The following MYO1D variants were observed in gnomAD, a reference collection of about 807,000 sequenced individuals.
The protein encoded by MYO1D is unconventional myosin-Id.
In MYO1D, 83 loss-of-function variants were observed where a neutral mutation model predicts 122.0. That is an observed-to-expected ratio of 0.68 (90% CI 0.57 to 0.82). The LOEUF (loss-of-function observed/expected upper bound fraction) is 0.82, where lower values mean the gene tolerates loss of function less well. Ranked by LOEUF, MYO1D falls within the 40% of genes least tolerant of loss-of-function variation. MYO1D has a pLI of 0.00. For synonymous variants in MYO1D, 464 were observed against 446.9 expected, an observed-to-expected ratio of 1.04 and a Z score of -0.48; for missense variants, 1,157 against 1,269.5, an observed-to-expected ratio of 0.91 and a Z score of 1.35.
chr17:32,785,959 G>C (rs1000046696), intron 1 of MYO1D, among the ~76,000 whole-genome samples: 1 of 152,120 alleles, frequency 6.6e-6, no homozygotes, highest in Non-Finnish European at 1.5e-5. Flanking sequence ...CGCCTACAAT[G>C]AAACAAAAAA....
Position 32,605,216 on chromosome 17 carries a change from C to G in MYO1D, c.2735G>C (p.Gly912Ala). The G allele has an allele frequency of 1.9e-6, 3 of 1,582,998 alleles. No homozygotes were observed. Among genetic ancestry groups the G allele is most frequent in the Non-Finnish European group, 2.6e-6 (3 of 1,156,868 alleles). The change falls in exon 21 of 22, where the codon GGA becomes GCA. Residue 912 changes from glycine (G) to alanine (A), a missense_variant. By Grantham distance (60) the Gly-to-Ala change is moderately conservative (BLOSUM62 0). Transcript: ENST00000318217. ...ATGGAACACTACAAGTTGGTCCTTT[C>G]CATTGGAGACACTCAGACCAGTCAA... ...YNLTGLSVSN[G>A]KDQLVVFHTK...
chr17:32,540,293 G>C (rs1343837745), intron 21 of MYO1D, among the ~76,000 whole-genome samples: 5 of 127,944 alleles, frequency 3.9e-5, no homozygotes, highest in African/African-American at 1.2e-4. Context: ...TCGCGTCACT[G>C]TACTCCAGTC....
chr17:32,776,371 T>C (rs1029391641), intron 3 of MYO1D, among the ~76,000 whole-genome samples: 1 of 151,738 alleles, frequency 6.6e-6, no homozygotes, highest in Admixed American at 6.6e-5. Flanking sequence ...TATGTTCACG[T>C]GTGTGTGTGT....
At chr17:32,819,811 A>G (rs1396027626) in intron 1 of MYO1D, among the ~76,000 whole-genome samples, 1 of 152,236 alleles carries the variant, frequency 6.6e-6, no homozygotes. Flanking sequence ...ACCACATTAT[A>G]TAGGATCTAA....
chr17:32,618,816 G>T (rs2150924094), intron 20 of MYO1D, among the ~76,000 whole-genome samples: 1 of 151,956 alleles, frequency 6.6e-6, no homozygotes, highest in East Asian at 1.9e-4. Context: ...TGTATTTTTA[G>T]TAGAGACAAG....
At chr17:32,850,921 T>C (rs1043741552) in intron 1 of MYO1D, among the ~76,000 whole-genome samples, 1 of 125,446 alleles carries the variant, frequency 8.0e-6, no homozygotes, top group Non-Finnish European at 1.8e-5. Flanking sequence ...AGAATACTTA[T>C]GAAAACTTTT....
chr17:32,687,622 C>T (rs899502093), intron 16 of MYO1D, among the ~76,000 whole-genome samples: 7 of 151,988 alleles, frequency 4.6e-5, no homozygotes, highest in Admixed American at 1.3e-4. Context: ...GGATTACAGG[C>T]GTGAGCCACT....
intron 21 of MYO1D, among the ~76,000 whole-genome samples, chr17:32,591,414 G>A (rs575165411): frequency 4.7e-4 from 72 of 152,260 alleles, no homozygotes; most frequent in South Asian, 3.3e-3. Flanking sequence ...GAACTTCTTA[G>A]GGTAATTAAA....
At chr17:32,807,013 T>C (rs1256837836) in intron 1 of MYO1D, among the ~76,000 whole-genome samples, 1 of 152,224 alleles carries the variant, frequency 6.6e-6, no homozygotes, top group African/African-American at 2.4e-5. Context: ...ACATATTATA[T>C]ACACACATAA....
intron 13 of MYO1D, 58 bp downstream of exon 13, chr17:32,745,153 T>C (rs1442731454): frequency 1.1e-6 from 1 of 926,462 alleles, no homozygotes; most frequent in East Asian, 2.5e-5. Context: ...ACCATGTGCA[T>C]ATATTACATA....
chr17:32,657,844 G>A (rs1412891799), intron 17 of MYO1D, among the ~76,000 whole-genome samples: 1 of 151,682 alleles, frequency 6.6e-6, no homozygotes, highest in Non-Finnish European at 1.5e-5. Context: ...TGTATAGGCT[G>A]TAGTGCAATC....
chr17:32,848,881 C>T (rs2090960874), intron 1 of MYO1D, among the ~76,000 whole-genome samples: 1 of 152,138 alleles, frequency 6.6e-6, no homozygotes, highest in African/African-American at 2.4e-5. Flanking sequence ...AATAAAGGGG[C>T]TCCTAGATGA....
chr17:32,773,990 C>T (rs2090149543), intron 4 of MYO1D, among the ~76,000 whole-genome samples: 1 of 152,066 alleles, frequency 6.6e-6, no homozygotes, highest in Non-Finnish European at 1.5e-5. Context: ...TTCTACAGGA[C>T]CTCTCCCCTC....
At chr17:32,710,491 T>C (rs1339203325) in intron 16 of MYO1D, among the ~76,000 whole-genome samples, 1 of 152,194 alleles carries the variant, frequency 6.6e-6, no homozygotes. Context: ...ATACAGTTCA[T>C]AGAAGAAAAT....
intron 17 of MYO1D, among the ~76,000 whole-genome samples, chr17:32,658,126 T>C (rs542605949): frequency 3.3e-5 from 5 of 152,226 alleles, no homozygotes; most frequent in Non-Finnish European, 5.9e-5. Context: ...TTTCTTCTTA[T>C]GAGCAATTAT....
intron 1 of MYO1D, among the ~76,000 whole-genome samples, chr17:32,784,806 C>A (rs539602112): frequency 2.0e-5 from 3 of 151,954 alleles, no homozygotes; most frequent in African/African-American, 7.3e-5. Context: ...CACAACCCCA[C>A]AGAAAAGGAA....
At position 32,625,221 on chromosome 17, in the gene MYO1D, C is replaced by A. The variant is rs117542054; in HGVS notation, c.2709+13501G>T. 9.2e-5 allele frequency among the ~76,000 whole-genome samples: 14 copies of A among 152,110 alleles called. No individual in the cohort carries two copies. In the East Asian group the frequency reaches 1.5e-3, roughly 17 times the overall value. ...GTCACTAATCCTCAAAAGGTTAAGA[C>A]AAACTATTTTAGAAAGCTATTATTA... is the stretch of plus-strand genomic sequence containing the variant. On this transcript the variant is annotated intron_variant, in intron 20 of 21. Coordinates refer to ENST00000318217, the MANE Select transcript of MYO1D (RefSeq NM_015194.3).
intron 16 of MYO1D, among the ~76,000 whole-genome samples, chr17:32,711,370 G>A (rs577106970): frequency 2.4e-4 from 36 of 152,258 alleles, no homozygotes; most frequent in African/African-American, 7.0e-4. Context: ...TTACGCAGCC[G>A]GGCGTGGTGG....
chr17:32,734,678 A>C (rs972257748), intron 14 of MYO1D: 76 of 152,318 alleles, frequency 5.0e-4, no homozygotes, highest in Admixed American at 2.2e-3. Context: ...TTAGGAGAGT[A>C]CTTTTAAAGT....
Sources: allele counts gnomAD v4.1 joint callset (sites outside exome capture counted in the v4.1 genomes callset), GRCh38; gene constraint gnomAD v4.1.1; transcripts MANE v1.5; gene names NCBI Gene and HGNC (gene_info 2026-07-23, HGNC 2026-07-21).